CHMP4C: variants seen among roughly 807,000 people sequenced by gnomAD.
The protein encoded by CHMP4C is SNF7 homolog associated with Alix 3.
Under a neutral mutation model 29.0 loss-of-function variants are expected in CHMP4C, and 28 were observed. The ratio of observed to expected loss-of-function variants is 0.97; its 90% confidence interval spans 0.72 to 1.32. The LOEUF (loss-of-function observed/expected upper bound fraction) is 1.32, where lower values mean the gene tolerates loss of function less well. CHMP4C is among the 40% of genes most tolerant of loss of function. CHMP4C has a pLI of 0.00. For synonymous variants in CHMP4C, 106 were observed against 102.4 expected (o/e 1.04, Z -0.21); for missense variants, 291 against 281.0 (o/e 1.04, Z -0.25).
rs35094336 is a variant in CHMP4C, at chr8:81,758,536, G to A, written c.694G>A (p.Ala232Thr). 0.063 allele frequency: 101,806 copies of A among 1,608,078 alleles called. 3,551 individuals are homozygous for A. The highest frequency in any genetic ancestry group is 0.1 in the Middle Eastern group (630 of 6,018). The stretch of plus-strand genomic sequence containing the variant: ...TGATATCAAACAATTGGCAGCTTGG[G>A]CTACCTAAACTAAAACACATTTTTG... ...DDDIKQLAAWAT is the reference protein window; with the variant it reads ...DDDIKQLAAWTT Residue 232 changes from alanine (A) to threonine (T), a missense_variant, in exon 5 of 5, where the codon GCT (alanine) becomes ACT (threonine). Coordinates refer to ENST00000297265, the MANE Select transcript of CHMP4C (RefSeq NM_152284.4).
At chr8:81,750,721 T>C (rs1808890741) in intron 1 of CHMP4C, among the ~76,000 whole-genome samples, 1 of 151,726 alleles carries the variant, frequency 6.6e-6, no homozygotes. Context: ...GTATATATAA[T>C]TAAATAAAAA....
chr8:81,739,391 C>T (rs1808732925), intron 1 of CHMP4C, among the ~76,000 whole-genome samples: 1 of 120,960 alleles, frequency 8.3e-6, no homozygotes, highest in African/African-American at 3.4e-5. Flanking sequence ...TTGTACCATA[C>T]TCGGTATTCT....
intron 1 of CHMP4C, among the ~76,000 whole-genome samples, chr8:81,734,629 T>A (rs772532929): frequency 1.2e-4 from 19 of 152,048 alleles, no homozygotes; most frequent in Non-Finnish European, 2.2e-4. Flanking sequence ...CGCACCTGGC[T>A]GATGTTGGTT....
intron 1 of CHMP4C, among the ~76,000 whole-genome samples, chr8:81,740,126 C>T (rs1473966250): frequency 6.6e-6 from 1 of 152,176 alleles, no homozygotes; most frequent in East Asian, 1.9e-4. Flanking sequence ...TTGAATAAGA[C>T]AGAACCAAGG....
chr8:81,755,610 C>T, intron 3 of CHMP4C, 126 bp downstream of exon 3: 1 of 523,800 alleles, frequency 1.9e-6, no homozygotes, highest in East Asian at 3.1e-5. Flanking sequence ...AGGTACTTCT[C>T]TTAAGAGAAA....
chr8:81,750,466 T>A (rs1360113127), intron 1 of CHMP4C, among the ~76,000 whole-genome samples: 3 of 149,998 alleles, frequency 2.0e-5, no homozygotes, highest in Admixed American at 2.0e-4. Context: ...AAAGACTCCG[T>A]ACAGTGACAT....
chr8:81,756,463 T>C (rs1165704272), intron 3 of CHMP4C, among the ~76,000 whole-genome samples: 1 of 152,162 alleles, frequency 6.6e-6, no homozygotes, highest in African/African-American at 2.4e-5. Context: ...TATGATATGG[T>C]GGAAAGGAAT....
intron 1 of CHMP4C, among the ~76,000 whole-genome samples, chr8:81,738,532 C>G (rs1394954933): frequency 6.6e-6 from 1 of 152,156 alleles, no homozygotes; most frequent in Non-Finnish European, 1.5e-5. Context: ...GTGGGAAGAA[C>G]CTCCTCGGTC....
chr8:81,736,092 T>A (rs1256565411), intron 1 of CHMP4C, among the ~76,000 whole-genome samples: 1 of 3,572 alleles, frequency 2.8e-4, no homozygotes, highest in African/African-American at 8.8e-4. Context: ...TCTCAATAAA[T>A]AAATAAATAA....
At chr8:81,757,176 A>G (rs1413715028) in intron 3 of CHMP4C, among the ~76,000 whole-genome samples, 1 of 152,152 alleles carries the variant, frequency 6.6e-6, no homozygotes, top group Non-Finnish European at 1.5e-5. Flanking sequence ...CTCCTTGAAT[A>G]TAGGGAGTGT....
In CHMP4C at chr8:81,758,618, A is replaced by C. The variant is rs552057830; in HGVS notation, c.*74A>C. The C allele has an allele frequency of 1.2e-5, 11 of 944,120 alleles. 1 individual carries two copies. The South Asian group carries it at 1.4e-4, about 12-fold the overall frequency. The allele number at this position is 944,120 out of a possible 1,614,324, so 58.5% of individuals were successfully genotyped here. ...TAAAAAATGTTTTTACCAAGTTCAGAAGTTAACAAAGACTCTGCTTTATAA... is the reference window on the plus strand; with the variant it reads ...TAAAAAATGTTTTTACCAAGTTCAGCAGTTAACAAAGACTCTGCTTTATAA... On this transcript the variant is annotated 3_prime_UTR_variant, in exon 5 of 5. Transcript: ENST00000297265.
rs187731771 is a variant in CHMP4C at position 81,741,313 on chromosome 8, C to A, written c.190+8497C>A. ...AATTCCCTTCATTTATACTATTTTACAGTTTATTGAGTCAATCAAAATAAG... is the reference window on the plus strand; with the variant it reads ...AATTCCCTTCATTTATACTATTTTAAAGTTTATTGAGTCAATCAAAATAAG... On this transcript the variant is annotated intron_variant, in intron 1 of 4. Transcript: ENST00000297265. Among the ~76,000 whole-genome samples the A allele has an allele frequency of 2.2e-4, 33 of 152,140 alleles. No homozygotes were observed. The East Asian group carries it at 5.6e-3, about 26-fold the overall frequency.
intron 1 of CHMP4C, among the ~76,000 whole-genome samples, chr8:81,734,715 A>G (rs1042380968): frequency 4.6e-5 from 7 of 152,192 alleles, no homozygotes; most frequent in African/African-American, 1.7e-4. Context: ...GACAGAGTGC[A>G]AAATAATGTG....
intron 1 of CHMP4C, among the ~76,000 whole-genome samples, chr8:81,747,374 C>G (rs1808839363): frequency 6.6e-6 from 1 of 151,332 alleles, no homozygotes; most frequent in Non-Finnish European, 1.5e-5. Flanking sequence ...GCCTTAGGGT[C>G]AATGGGTACC....
intron 1 of CHMP4C, among the ~76,000 whole-genome samples, chr8:81,735,134 A>T (rs1585939587): frequency 6.6e-6 from 1 of 151,554 alleles, no homozygotes; most frequent in South Asian, 2.1e-4. Context: ...CCTCAAGTGA[A>T]CCTCCTGCCT....
In CHMP4C at chr8:81,755,366, C is replaced by G. The variant is rs770288666; in HGVS notation, c.369-4C>G. ...AAAATGTTCAACAAAATATGATTTC[C>G]CAGGGATCTGAACAAAATAGATGAT... On this transcript the variant is annotated splice_polypyrimidine_tract_variant and splice_region_variant and intron_variant, in intron 2 of 4. Coordinates refer to ENST00000297265, the MANE Select transcript of CHMP4C (RefSeq NM_152284.4). 1.3e-6 allele frequency: 2 copies of G among 1,528,922 alleles called. No individual in the cohort carries two copies. Among genetic ancestry groups the G allele is most frequent in the African/African-American group, 2.7e-5 (2 of 73,102 alleles). 94.7% of individuals were successfully genotyped at this position (1,528,922 alleles called of 1,614,324 possible).
chr8:81,744,812 C>G (rs1456990604), intron 1 of CHMP4C, among the ~76,000 whole-genome samples: 1 of 152,142 alleles, frequency 6.6e-6, no homozygotes, highest in Non-Finnish European at 1.5e-5. Context: ...TTCTTTGTCC[C>G]TCCAGTGCCT....
intron 3 of CHMP4C, among the ~76,000 whole-genome samples, chr8:81,756,361 A>C (rs1296557954): frequency 6.6e-6 from 1 of 152,210 alleles, no homozygotes; most frequent in Non-Finnish European, 1.5e-5. Flanking sequence ...GAAAACATGC[A>C]GCCTGCAAAT....
intron 1 of CHMP4C, among the ~76,000 whole-genome samples, chr8:81,744,836 G>A (rs1339064165): frequency 1.3e-5 from 2 of 152,084 alleles, no homozygotes; most frequent in African/African-American, 2.4e-5. Flanking sequence ...ACAGTGCCAG[G>A]CATGTCATAG....
Sources: allele counts gnomAD v4.1 joint callset (sites outside exome capture counted in the v4.1 genomes callset), GRCh38; gene constraint gnomAD v4.1.1; transcripts MANE v1.5; gene names NCBI Gene and HGNC (gene_info 2026-07-23, HGNC 2026-07-21).